SGMS2: variants seen among roughly 807,000 people sequenced by gnomAD.
SGMS2 encodes phosphatidylcholine:ceramide cholinephosphotransferase 2.
A neutral mutation model predicts 43.8 loss-of-function variants in SGMS2; 21 were observed. That is an observed-to-expected ratio of 0.48 (90% CI 0.34 to 0.69). The LOEUF is 0.69. Ranked by LOEUF, SGMS2 falls within the 30% of genes least tolerant of loss-of-function variation. The pLI, the probability that SGMS2 is intolerant of heterozygous loss-of-function variation, is 0.01. For synonymous variants in SGMS2, 167 were observed against 160.6 expected (o/e 1.04, Z -0.30); for missense variants, 384 against 443.2 (o/e 0.87, Z 1.20).
At chr4:107,842,268 G>A (rs1482792793) in intron 1 of SGMS2, among the ~76,000 whole-genome samples, 1 of 152,176 alleles carries the variant, frequency 6.6e-6, no homozygotes, top group Non-Finnish European at 1.5e-5. Flanking sequence ...AGTACAAGAA[G>A]TGTAATGCCA....
At position 107,910,808 on chromosome 4, in the gene SGMS2, G is replaced by T. The variant is rs897518009; in HGVS notation, c.*255G>T. On this transcript the variant is annotated 3_prime_UTR_variant, in exon 7 of 7. Transcript: ENST00000690982. ...ACCCCGGGACTTTACTAATGAGCTT[G>T]TTAAAGAGGTGCCAAAGAACATATT... 5.2e-6 allele frequency: 2 copies of T among 385,126 alleles called. No homozygotes were observed. Among genetic ancestry groups the T allele is most frequent in the African/African-American group, 4.1e-5 (2 of 48,548 alleles). 23.9% of individuals were successfully genotyped at this position (385,126 alleles called of 1,614,324 possible).
intron 1 of SGMS2, among the ~76,000 whole-genome samples, chr4:107,848,663 T>C (rs1318568246): frequency 1.3e-5 from 2 of 152,166 alleles, no homozygotes; most frequent in Non-Finnish European, 2.9e-5. Flanking sequence ...TTGCATATGA[T>C]ATTGAGCATC....
intron 1 of SGMS2, among the ~76,000 whole-genome samples, chr4:107,835,155 G>T (rs1278340774): frequency 6.6e-6 from 1 of 152,030 alleles, no homozygotes; most frequent in Non-Finnish European, 1.5e-5. Flanking sequence ...ACTAGTGTAA[G>T]AAATAAAATC....
chr4:107,904,060 C>A (rs1731351817), intron 5 of SGMS2, among the ~76,000 whole-genome samples: 1 of 152,150 alleles, frequency 6.6e-6, no homozygotes, highest in South Asian at 2.1e-4. Flanking sequence ...TGGCCAAAAT[C>A]ATGTCTTGTT....
At chr4:107,897,565 G>A (rs1257564425) in intron 3 of SGMS2, among the ~76,000 whole-genome samples, 1 of 152,150 alleles carries the variant, frequency 6.6e-6, no homozygotes, top group African/African-American at 2.4e-5. Flanking sequence ...CTGAAGTACA[G>A]TCTTTCCCTC....
chr4:107,844,937 T>C (rs77208240), intron 1 of SGMS2, among the ~76,000 whole-genome samples: 3,404 of 152,262 alleles, frequency 0.022, 57 homozygotes, highest in Non-Finnish European at 0.032. Context: ...TGTTCTCTCT[T>C]AAACTGGGGA....
At chr4:107,825,639 T>TC (rs1725546598) in intron 1 of SGMS2, among the ~76,000 whole-genome samples, 1 of 145,642 alleles carries the variant, frequency 6.9e-6, no homozygotes, top group Admixed American at 6.9e-5. Flanking sequence ...TTTTTTTTTT[T>TC]TTGAGAGGCA....
chr4:107,852,578 G>A lies in SGMS2; in HGVS notation c.-326-5894G>A, dbSNP rs182972953. 5.5e-3 allele frequency among the ~76,000 whole-genome samples: 841 copies of A among 152,062 alleles called. 5 individuals are homozygous for A. Among genetic ancestry groups the A allele is most frequent in the African/African-American group, 0.02 (811 of 41,386 alleles). On this transcript the variant is annotated intron_variant, in intron 1 of 6. Coordinates refer to ENST00000690982, the MANE Select transcript of SGMS2 (RefSeq NM_001375905.1). ...TTTATATTTACACATGCAACTTGTA[G>A]AAACAGGAGAAATAGGATCATACAC...
rs772712461 is a variant in SGMS2, at chr4:107,900,447, C to T, written c.573+755C>T. Among the ~76,000 whole-genome samples the T allele has an allele frequency of 3.9e-5, 6 of 152,182 alleles. No homozygotes were observed. The East Asian group carries it at 7.7e-4, about 20-fold the overall frequency. On this transcript the variant is annotated intron_variant, in intron 4 of 6. Transcript: ENST00000690982. ...GGAAATAATGAGAAGTTGTTCAGTT[C>T]GGGATATAGGATATGCTAATAAGTT...
intron 1 of SGMS2, among the ~76,000 whole-genome samples, chr4:107,833,062 T>C (rs751214146): frequency 3.3e-5 from 5 of 152,124 alleles, no homozygotes; most frequent in Non-Finnish European, 5.9e-5. Context: ...TAATTTTCAC[T>C]ATAGTGTTAT....
At chr4:107,860,296 A>G (rs922308909) in intron 2 of SGMS2, among the ~76,000 whole-genome samples, 2 of 152,170 alleles carry the variant, frequency 1.3e-5, no homozygotes, top group African/African-American at 4.8e-5. Flanking sequence ...ACAGAATAAC[A>G]GAGTCCATTT....
intron 1 of SGMS2, among the ~76,000 whole-genome samples, chr4:107,826,374 G>A (rs1725590529): frequency 6.6e-6 from 1 of 152,190 alleles, no homozygotes; most frequent in Non-Finnish European, 1.5e-5. Context: ...ATTGGGAAGT[G>A]ATGTTTTCAG....
intron 1 of SGMS2, among the ~76,000 whole-genome samples, chr4:107,851,206 A>G (rs1727123097): frequency 6.6e-6 from 1 of 152,198 alleles, no homozygotes; most frequent in African/African-American, 2.4e-5. Flanking sequence ...TCTACGGTGC[A>G]TGCCATGCTC....
At chr4:107,857,159 T>G (rs1727471830) in intron 1 of SGMS2, among the ~76,000 whole-genome samples, 1 of 152,240 alleles carries the variant, frequency 6.6e-6, no homozygotes, top group Admixed American at 6.5e-5. Context: ...AGAATAATGT[T>G]GTCAGGATTC....
intron 2 of SGMS2, chr4:107,867,347 T>C (rs1193644116): frequency 6.6e-6 from 1 of 152,200 alleles, no homozygotes. Context: ...GAAATGCCAG[T>C]CTTCCCAGTT....
intron 2 of SGMS2, among the ~76,000 whole-genome samples, chr4:107,892,234 C>CA (rs34353350): frequency 0.12 from 9,142 of 74,804 alleles, 370 homozygotes; most frequent in Non-Finnish European, 0.15. Flanking sequence ...ACTAAAACTC[C>CA]AAAAAAAAAA....
chr4:107,853,092 T>G (rs7692889), intron 1 of SGMS2, among the ~76,000 whole-genome samples: 59,408 of 151,752 alleles, frequency 0.39, 12,219 homozygotes, highest in Non-Finnish European at 0.46. Context: ...TTGTCATCGC[T>G]CATGACTTTA....
intron 3 of SGMS2, among the ~76,000 whole-genome samples, chr4:107,897,326 TA>T (rs1217444884): frequency 6.6e-6 from 1 of 152,334 alleles, no homozygotes; most frequent in Admixed American, 6.5e-5. Flanking sequence ...GTCTTTTACT[TA>T]AAAAAGTAAC....
intron 3 of SGMS2, among the ~76,000 whole-genome samples, chr4:107,898,176 G>A (rs1432665340): frequency 6.6e-6 from 1 of 151,858 alleles, no homozygotes; most frequent in African/African-American, 2.4e-5. Context: ...TACCAGGAAA[G>A]GCAGAACTAG....
Sources: allele counts gnomAD v4.1 joint callset (sites outside exome capture counted in the v4.1 genomes callset), GRCh38; gene constraint gnomAD v4.1.1; transcripts MANE v1.5; gene names NCBI Gene and HGNC (gene_info 2026-07-23, HGNC 2026-07-21).